Variants in NOTCH2NLC observed in about 807,000 individuals in gnomAD.
The protein encoded by NOTCH2NLC is notch 2 N-terminal like C.
NOTCH2NLC carries 4 observed loss-of-function variants against 17.7 expected under a neutral mutation model. The observed-to-expected ratio is 0.23, with a 90% CI of 0.11 to 0.52. NOTCH2NLC has a LOEUF of 0.52. Among genes scored for constraint, NOTCH2NLC ranks in the 20% least tolerant of loss-of-function variants. The probability of loss-of-function intolerance (pLI) is 0.96; values close to 1 mark genes in which losing one functional copy is unlikely to be tolerated. For synonymous variants in NOTCH2NLC, 18 were observed against 86.0 expected (o/e 0.21, Z 4.38); for missense variants, 57 against 207.2 (o/e 0.28, Z 4.45).
At chr1:149,394,577 TCATA>T in intron 1 of NOTCH2NLC, among the ~76,000 whole-genome samples, 1 of 151,186 alleles carries the variant, frequency 6.6e-6, no homozygotes, top group East Asian at 2.0e-4. Context: ...TAAATGTCAT[TCATA>T]CATGTTGTTT....
At chr1:149,416,013 G>A (rs1420117318) in intron 1 of NOTCH2NLC, among the ~76,000 whole-genome samples, 7 of 149,924 alleles carry the variant, frequency 4.7e-5, no homozygotes, top group Non-Finnish European at 1.0e-4. Context: ...ATGCCATAAG[G>A]AAAACAGAGG....
chr1:149,395,838 A>G (rs1367494183), intron 1 of NOTCH2NLC, among the ~76,000 whole-genome samples: 1 of 147,502 alleles, frequency 6.8e-6, no homozygotes, highest in African/African-American at 2.5e-5. Flanking sequence ...GAACCAAGAG[A>G]GTCCCCTGAA....
At chr1:149,391,213 C>T (rs1254796065) in intron 1 of NOTCH2NLC, among the ~76,000 whole-genome samples, 1 of 28,618 alleles carries the variant, frequency 3.5e-5, no homozygotes, top group Non-Finnish European at 7.2e-5. Context: ...GGCAGCAAGT[C>T]TCAGAAACTC....
chr1:149,438,135 AC>A (rs1322535475), intron 2 of NOTCH2NLC, among the ~76,000 whole-genome samples: 1 of 150,236 alleles, frequency 6.7e-6, no homozygotes, highest in African/African-American at 2.4e-5. Flanking sequence ...TTGAAAGTAT[AC>A]AAAAAGGGGA....
At chr1:149,462,948 G>A (rs2084658371) in intron 3 of NOTCH2NLC, among the ~76,000 whole-genome samples, 2 of 139,934 alleles carry the variant, frequency 1.4e-5, no homozygotes, top group Non-Finnish European at 3.1e-5. Context: ...TGATTCTTCT[G>A]CCTCAGCCTT....
chr1:149,416,832 T>C (rs1313226346), intron 1 of NOTCH2NLC, among the ~76,000 whole-genome samples: 5 of 141,010 alleles, frequency 3.5e-5, no homozygotes, highest in Non-Finnish European at 6.2e-5. Context: ...TAGGTAGGGG[T>C]GATGCTAGTC....
intron 1 of NOTCH2NLC, among the ~76,000 whole-genome samples, chr1:149,419,855 ATTTTT>A (rs1166865199): frequency 3.8e-5 from 3 of 78,204 alleles, no homozygotes; most frequent in Non-Finnish European, 6.9e-5. Flanking sequence ...ATATATATAT[ATTTTT>A]TTTTTTTTTT....
chr1:149,402,096 T>G (rs2084249428), intron 1 of NOTCH2NLC, among the ~76,000 whole-genome samples: 1 of 150,184 alleles, frequency 6.7e-6, no homozygotes, highest in African/African-American at 2.4e-5. Context: ...TTTTTTTTTT[T>G]GAGTTGGAGT....
At position 149,471,133 on chromosome 1, in the gene NOTCH2NLC, G is replaced by A. The variant is rs2084716396; in HGVS notation, c.*6980G>A. On this transcript the variant is annotated 3_prime_UTR_variant, in exon 5 of 5. Coordinates refer to ENST00000650865, the MANE Select transcript of NOTCH2NLC (RefSeq NM_001364013.2). ...TCATTATGTATCTTCTTTGGAGAAT[G>A]TCTGTTCAGATCCTTTACCTACTTT... 1.4e-5 allele frequency among the ~76,000 whole-genome samples: 2 copies of A among 147,356 alleles called. No homozygotes were observed. The highest frequency in any genetic ancestry group is 2.1e-4 in the South Asian group (1 of 4,674).
At position 149,390,695 on chromosome 1, in the gene NOTCH2NLC, G is replaced by T; in HGVS notation, c.-93G>T. On this transcript the variant is annotated 5_prime_UTR_variant, in exon 1 of 5. Coordinates refer to ENST00000650865, the MANE Select transcript of NOTCH2NLC (RefSeq NM_001364013.2). ...GGGCGCGGGGAGTCGAGGCATTTGC[G>T]CCTGTGCTTCGGACCGTAGCGCCAG... 8.1e-7 allele frequency: 1 copy of T among 1,237,212 alleles called. No individual in the cohort carries two copies. The highest frequency in any genetic ancestry group is 1.0e-6 in the Non-Finnish European group (1 of 986,164). The allele number at this position is 1,237,212 out of a possible 1,614,324, so 76.6% of individuals were successfully genotyped here. A position where few individuals can be genotyped will look rare whatever the true frequency, so the allele number is the denominator to read the frequency against.
At position 149,471,728 on chromosome 1, in the gene NOTCH2NLC, T is replaced by C. The variant is rs1177357299; in HGVS notation, c.*7575T>C. On this transcript the variant is annotated 3_prime_UTR_variant, in exon 5 of 5. Coordinates refer to ENST00000650865, the MANE Select transcript of NOTCH2NLC (RefSeq NM_001364013.2). ...TGATGGTTGCAGAACTTTTGGAATA[T>C]GGTAAAAGACACTGAAATATATGCT... Among the ~76,000 whole-genome samples the C allele has an allele frequency of 1.3e-5, 2 of 149,734 alleles. No individual in the cohort carries two copies. Among genetic ancestry groups the C allele is most frequent in the Admixed American group, 6.7e-5 (1 of 14,972 alleles).
intron 1 of NOTCH2NLC, among the ~76,000 whole-genome samples, chr1:149,405,575 TTGTC>T (rs2084263629): frequency 7.1e-6 from 1 of 141,830 alleles, no homozygotes. Flanking sequence ...AATAATGCCA[TTGTC>T]TGGTGGAATC....
chr1:149,448,776 C>G (rs2084570769), intron 2 of NOTCH2NLC, among the ~76,000 whole-genome samples: 1 of 144,826 alleles, frequency 6.9e-6, no homozygotes, highest in South Asian at 2.2e-4. Flanking sequence ...TTTTGATGAA[C>G]TGGAGTCATC....
chr1:149,415,150 C>G lies in NOTCH2NLC; in HGVS notation c.136-15792C>G, dbSNP rs2084328394. On this transcript the variant is annotated intron_variant, in intron 1 of 4. Transcript: ENST00000650865. Reference sequence around the variant, plus strand: ...TTTTTTTTTTTTTTTTGAAGTCTTTCCACCTTAACTAGCAAGTAAGCTAGA... The same window carrying G: ...TTTTTTTTTTTTTTTTGAAGTCTTTGCACCTTAACTAGCAAGTAAGCTAGA... Among the ~76,000 whole-genome samples, 3 of 105,956 alleles carry G rather than the reference C, an allele frequency of 2.8e-5. No homozygotes were observed. In the South Asian group the frequency reaches 1.1e-3, roughly 38 times the overall value. 69.5% of individuals were successfully genotyped at this position (105,956 alleles called of 152,430 possible).
In NOTCH2NLC at chr1:149,442,157, TG is replaced by T. The variant is rs1288717975; in HGVS notation, c.209+11145del. Among the ~76,000 whole-genome samples, 5 of 150,204 alleles carry T rather than the reference TG, an allele frequency of 3.3e-5. 1 individual carries two copies. The highest frequency in any genetic ancestry group is 7.4e-5 in the Non-Finnish European group (5 of 67,284). ...CAGGCTCTCATGTTGGCCAGTTGTT[TG>T]GGATAGAAGATGGTTAGACCTTTCT... On this transcript the variant is annotated intron_variant, in intron 2 of 4. Transcript: ENST00000650865.
chr1:149,425,720 TGTTACAA>T (rs2084409258), intron 1 of NOTCH2NLC, among the ~76,000 whole-genome samples: 1 of 139,676 alleles, frequency 7.2e-6, no homozygotes, highest in Non-Finnish European at 1.6e-5. Context: ...TGGGGCAACA[TGTTACAA>T]GTAGTGCTTC....
rs1228583135 is a variant in NOTCH2NLC, at chr1:149,433,840, C to T, written c.209+2825C>T. The stretch of plus-strand genomic sequence containing the variant: ...GCACGCACCTGTAATCCCAGTTACT[C>T]GGGAGGCTGAGGCAGGAGAATGGCC... On this transcript the variant is annotated intron_variant, in intron 2 of 4. Coordinates refer to ENST00000650865, the MANE Select transcript of NOTCH2NLC (RefSeq NM_001364013.2). Among the ~76,000 whole-genome samples the T allele has an allele frequency of 8.0e-3, 1,206 of 150,540 alleles. 38 individuals carry two copies. The highest frequency in any genetic ancestry group is 0.027 in the South Asian group (129 of 4,770).
chr1:149,467,483 T>C lies in NOTCH2NLC; in HGVS notation c.*3330T>C, dbSNP rs1243653778. ...TTCACAGAGGGAGGAGAAAAATATC[T>C]TCAAGAGAGAACTAATAGAATCAAA... On this transcript the variant is annotated 3_prime_UTR_variant, in exon 5 of 5. Transcript: ENST00000650865. 2.2e-5 allele frequency: 3 copies of C among 139,264 alleles called. 1 individual carries two copies. The Admixed American group carries it at 2.3e-4, about 11-fold the overall frequency. The allele number at this position is 139,264 out of a possible 1,614,324, so 8.6% of individuals were successfully genotyped here.
intron 1 of NOTCH2NLC, among the ~76,000 whole-genome samples, chr1:149,416,792 A>G (rs1179017555): frequency 0.1 from 12,191 of 120,468 alleles, 4 homozygotes; most frequent in African/African-American, 0.22. Flanking sequence ...AGAGTTGGCA[A>G]GTTTTCAAAA....
Sources: allele counts gnomAD v4.1 joint callset (sites outside exome capture counted in the v4.1 genomes callset), GRCh38; gene constraint gnomAD v4.1.1; transcripts MANE v1.5; gene names NCBI Gene and HGNC (gene_info 2026-07-23, HGNC 2026-07-21).